LARP4B: variants seen among roughly 807,000 people sequenced by gnomAD.
LARP4B encodes la-related protein 4B.
In LARP4B, 12 loss-of-function variants were observed where a neutral mutation model predicts 89.8. The ratio of observed to expected loss-of-function variants is 0.13; its 90% CI spans 0.09 to 0.22. The LOEUF is 0.22. LARP4B is among the 10% of genes least tolerant of loss of function. LARP4B has a pLI of 1.00. For missense variants in LARP4B, 757 were observed against 947.7 expected, an observed-to-expected ratio of 0.80 and a Z score of 2.64; for synonymous variants, 367 against 363.3, an observed-to-expected ratio of 1.01 and a Z score of -0.12.
In LARP4B at chr10:812,835, C is replaced by T; in HGVS notation, c.*91G>A. 1 of 1,243,674 alleles carries T rather than the reference C, an allele frequency of 8.0e-7. No homozygotes were observed. Among genetic ancestry groups the T allele is most frequent in the Non-Finnish European group, 1.1e-6 (1 of 947,100 alleles). The allele number at this position is 1,243,674 out of a possible 1,614,324, so 77.0% of individuals were successfully genotyped here. On this transcript the variant is annotated 3_prime_UTR_variant, in exon 18 of 18. Transcript: ENST00000316157. ...CCACAGGCCTCAGACACTGCAAGCT[C>T]CTAACCAGCGGCTCGCCCTCGCACT...
chr10:871,267 G>T (rs552080973), intron 3 of LARP4B, among the ~76,000 whole-genome samples: 2 of 152,130 alleles, frequency 1.3e-5, no homozygotes, highest in Non-Finnish European at 2.9e-5. Context: ...CTTCCTCTGT[G>T]CAGGTGAAAA....
the LARP4B span, among the ~76,000 whole-genome samples, chr10:955,420 G>A: frequency 6.6e-6 from 1 of 152,226 alleles, no homozygotes; most frequent in African/African-American, 2.4e-5. The surrounding 1 kb of genome is among the most constrained non-coding windows in gnomAD (Gnocchi z 5.2). Flanking sequence ...GTCCCCAAGG[G>A]ATTAGAAGGG....
intron 5 of LARP4B, among the ~76,000 whole-genome samples, chr10:854,047 C>T (rs1245931030): frequency 2.0e-5 from 3 of 152,220 alleles, no homozygotes; most frequent in Admixed American, 6.5e-5. Context: ...ATATTCACAG[C>T]GTCTTCACCA....
intron 3 of LARP4B, among the ~76,000 whole-genome samples, chr10:870,287 C>T (rs900580373): frequency 7.9e-5 from 12 of 152,146 alleles, no homozygotes; most frequent in African/African-American, 2.2e-4. Flanking sequence ...ACTCAAAAAA[C>T]GGGAGACTCC....
At chr10:842,379 G>A (rs923002644) in intron 7 of LARP4B, among the ~76,000 whole-genome samples, 5 of 151,970 alleles carry the variant, frequency 3.3e-5, no homozygotes, top group Admixed American at 1.3e-4. Context: ...TTGTATTTTA[G>A]TGGAGACAGG....
chr10:978,277 A>C, the LARP4B span, among the ~76,000 whole-genome samples: 1 of 152,110 alleles, frequency 6.6e-6, no homozygotes, highest in East Asian at 1.9e-4. Context: ...TTTCAGGTAG[A>C]ATTTTGTACT....
chr10:930,348 G>A (rs1428748375), intron 1 of LARP4B, among the ~76,000 whole-genome samples: 1 of 152,140 alleles, frequency 6.6e-6, no homozygotes, highest in Admixed American at 6.5e-5. Context: ...CCCTGTCAAG[G>A]AAAACCTTCC....
At chr10:974,479 T>C in the LARP4B span, among the ~76,000 whole-genome samples, 1 of 152,178 alleles carries the variant, frequency 6.6e-6, no homozygotes, top group Non-Finnish European at 1.5e-5. Context: ...GCTTCCTTCA[T>C]TGTTCCGGGC....
chr10:914,538 C>T (rs1469144299), intron 1 of LARP4B, among the ~76,000 whole-genome samples: 1 of 148,966 alleles, frequency 6.7e-6, no homozygotes, highest in East Asian at 2.0e-4. Flanking sequence ...GGCTCGCACC[C>T]GTAATCCCAG....
At chr10:969,580 A>G in the LARP4B span, among the ~76,000 whole-genome samples, 2 of 152,104 alleles carry the variant, frequency 1.3e-5, no homozygotes, top group African/African-American at 4.8e-5. Flanking sequence ...AAATACAGAA[A>G]TTAGCCAGGC....
chr10:894,320 C>G (rs1351529939), intron 1 of LARP4B, among the ~76,000 whole-genome samples: 1 of 152,176 alleles, frequency 6.6e-6, no homozygotes, highest in African/African-American at 2.4e-5. Context: ...TAGGGAAATA[C>G]ATGTTAAATC....
In LARP4B at chr10:814,532, G is replaced by T; in HGVS notation, c.1929+210C>A. ...CAACACTGAAATAAAAGGACTACAT[G>T]GTGGTCTGAGAAAGAACTAGAGTAG... On this transcript the variant is annotated intron_variant, in intron 17 of 17. Coordinates refer to ENST00000316157, the MANE Select transcript of LARP4B (RefSeq NM_015155.3). This position sits in a 1 kb window ranked among gnomAD's most constrained non-coding sequence, Gnocchi z 4.4. 9.4e-7 allele frequency: 1 copy of T among 1,063,908 alleles called. No individual in the cohort carries two copies. The highest frequency in any genetic ancestry group is 1.4e-6 in the Non-Finnish European group (1 of 720,470). 65.9% of individuals were successfully genotyped at this position (1,063,908 alleles called of 1,614,324 possible).
intron 5 of LARP4B, 30 bp from the exon 6 acceptor site, chr10:845,085 A>G (rs1484934443): frequency 6.4e-7 from 1 of 1,550,954 alleles, no homozygotes; most frequent in Admixed American, 1.8e-5. Context: ...AACTTAGGAA[A>G]ACCGGCTTAA....
chr10:964,751 G>A, the LARP4B span, among the ~76,000 whole-genome samples: 4 of 152,222 alleles, frequency 2.6e-5, no homozygotes, highest in African/African-American at 9.7e-5. Context: ...ATGAAAAGGC[G>A]ACAGTGGCCA....
intron 8 of LARP4B, among the ~76,000 whole-genome samples, chr10:832,133 TC>T (rs1295243090): frequency 1.3e-5 from 2 of 152,348 alleles, no homozygotes; most frequent in African/African-American, 4.8e-5. Context: ...AAGCTCTGCC[TC>T]CCGGGTTCAC....
intron 3 of LARP4B, among the ~76,000 whole-genome samples, chr10:876,993 G>A (rs1404454550): frequency 6.6e-6 from 1 of 152,128 alleles, no homozygotes; most frequent in Non-Finnish European, 1.5e-5. Flanking sequence ...CCACCACTGG[G>A]CCCACTCAAG....
chr10:867,093 G>A (rs1437134504), intron 3 of LARP4B, among the ~76,000 whole-genome samples: 1 of 152,198 alleles, frequency 6.6e-6, no homozygotes, highest in African/African-American at 2.4e-5. Context: ...AAATGACTAG[G>A]ACTCTACCCT....
At chr10:974,067 G>A in the LARP4B span, among the ~76,000 whole-genome samples, 1 of 152,154 alleles carries the variant, frequency 6.6e-6, no homozygotes, top group South Asian at 2.1e-4. Context: ...TCCCAAAGGT[G>A]GACAGTCGGA....
chr10:965,718 G>A, the LARP4B span, among the ~76,000 whole-genome samples: 2 of 151,168 alleles, frequency 1.3e-5, no homozygotes, highest in African/African-American at 2.4e-5. Context: ...ACCAAGACCC[G>A]GCGCTGTGAA....
Sources: gnomAD v4.1 joint callset for allele counts (sites outside exome capture counted in the v4.1 genomes callset) on GRCh38, gnomAD v4.1.1 for gene constraint, Gnocchi (gnomAD v3.1) non-coding constraint, MANE v1.5 for transcripts, NCBI Gene and HGNC (gene_info 2026-07-23, HGNC 2026-07-21) for gene names.